The following DOCK4 variants were observed in gnomAD, a reference collection of about 807,000 sequenced individuals.
The protein encoded by DOCK4 is dedicator of cytokinesis protein 4.
DOCK4 carries 97 observed loss-of-function variants against 268.1 expected under a neutral mutation model. The observed-to-expected ratio is 0.36, with a 90% CI of 0.31 to 0.43. The LOEUF is 0.43. Ranked by LOEUF, DOCK4 falls within the 20% of genes least tolerant of loss-of-function variation. The pLI is 1.00. For missense variants in DOCK4, 2,145 were observed against 2,455.7 expected (o/e 0.87, Z 2.67); for synonymous variants, 954 against 887.2 (o/e 1.08, Z -1.34).
intron 1 of DOCK4, among the ~76,000 whole-genome samples, chr7:112,035,948 G>A (rs1803716024): frequency 6.6e-6 from 1 of 151,894 alleles, no homozygotes; most frequent in Non-Finnish European, 1.5e-5. Context: ...TTTGATCTGG[G>A]ATCTTAAAAG....
intron 1 of DOCK4, among the ~76,000 whole-genome samples, chr7:112,192,268 G>A (rs1820025859): frequency 6.6e-6 from 1 of 151,828 alleles, no homozygotes; most frequent in Admixed American, 6.6e-5. Flanking sequence ...GGAATAAGAG[G>A]GGACAAGGGG....
At chr7:111,754,377 C>T (rs1296897434) in intron 42 of DOCK4, among the ~76,000 whole-genome samples, 2 of 152,184 alleles carry the variant, frequency 1.3e-5, no homozygotes, top group South Asian at 4.1e-4. Context: ...GTAAGACAAA[C>T]AATTCTTGAA....
At chr7:111,919,081 C>T in intron 12 of DOCK4, among the ~76,000 whole-genome samples, 1 of 151,778 alleles carries the variant, frequency 6.6e-6, no homozygotes, top group African/African-American at 2.4e-5. Flanking sequence ...TAGGAGCCAG[C>T]ATTCATTTAA....
chr7:111,930,520 C>G (rs1357737167), intron 12 of DOCK4, among the ~76,000 whole-genome samples: 2 of 152,084 alleles, frequency 1.3e-5, no homozygotes, highest in Non-Finnish European at 2.9e-5. Context: ...TGAGGAATAG[C>G]AGGAGAAAGT....
At chr7:111,851,564 T>C (rs1804557997) in intron 23 of DOCK4, among the ~76,000 whole-genome samples, 1 of 152,122 alleles carries the variant, frequency 6.6e-6, no homozygotes, top group Non-Finnish European at 1.5e-5. Context: ...AGGTAAGTGA[T>C]AAATTACATT....
chr7:111,934,932 T>A (rs1052990020), intron 12 of DOCK4, among the ~76,000 whole-genome samples: 1 of 151,986 alleles, frequency 6.6e-6, no homozygotes, highest in East Asian at 1.9e-4. Flanking sequence ...ATATTTGTCA[T>A]GTGATTTTTA....
chr7:111,857,959 A>T (rs1318160691), intron 23 of DOCK4, among the ~76,000 whole-genome samples: 1 of 152,222 alleles, frequency 6.6e-6, no homozygotes, highest in East Asian at 1.9e-4. Context: ...GTCCACCTGG[A>T]TCCCAGATTA....
At chr7:111,939,343 G>A (rs909513698) in intron 11 of DOCK4, among the ~76,000 whole-genome samples, 4 of 151,442 alleles carry the variant, frequency 2.6e-5, no homozygotes, top group Non-Finnish European at 4.4e-5. Context: ...GTGAAACCCC[G>A]TCTCTACTAA....
At position 112,172,403 on chromosome 7, in the gene DOCK4, A is replaced by G. The variant is rs556947856; in HGVS notation, c.37+33699T>C. Among the ~76,000 whole-genome samples, 25 of 152,346 alleles carry G rather than the reference A, an allele frequency of 1.6e-4. 1 individual carries two copies. In the South Asian group the frequency reaches 5.0e-3, roughly 30 times the overall value. On this transcript the variant is annotated intron_variant, in intron 1 of 52. Coordinates refer to ENST00000428084, the MANE Select transcript of DOCK4 (RefSeq NM_001363540.2). ...TCCCTATGAGAAAGGAATTTGGGCCATATCTCTCAGAAGACTTGTTCTCTA... is the reference window on the plus strand; with the variant it reads ...TCCCTATGAGAAAGGAATTTGGGCCGTATCTCTCAGAAGACTTGTTCTCTA...
intron 1 of DOCK4, among the ~76,000 whole-genome samples, chr7:112,031,217 AT>A (rs1039093271): frequency 1.2e-4 from 19 of 152,194 alleles, no homozygotes; most frequent in African/African-American, 3.9e-4. Flanking sequence ...CACCTAGCAA[AT>A]AAGGATGGCC....
chr7:112,073,885 A>G (rs1282624369), intron 1 of DOCK4, among the ~76,000 whole-genome samples: 1 of 152,082 alleles, frequency 6.6e-6, no homozygotes, highest in Admixed American at 6.6e-5. Context: ...TTTATTATAT[A>G]TTTTCAGAAA....
intron 42 of DOCK4, among the ~76,000 whole-genome samples, chr7:111,752,489 CG>C (rs2133526344): frequency 6.7e-6 from 1 of 149,738 alleles, no homozygotes; most frequent in South Asian, 2.1e-4. Flanking sequence ...AAAATATTCT[CG>C]TAATCTTTAG....
chr7:112,199,965 A>C (rs1820771205), intron 1 of DOCK4, among the ~76,000 whole-genome samples: 3 of 152,220 alleles, frequency 2.0e-5, no homozygotes, highest in Admixed American at 2.0e-4. Context: ...ACAGACTTTG[A>C]CTTAGACTGA....
At chr7:111,729,665 G>A (rs756854590) in intron 52 of DOCK4, among the ~76,000 whole-genome samples, 3 of 152,138 alleles carry the variant, frequency 2.0e-5, no homozygotes, top group Non-Finnish European at 4.4e-5. Flanking sequence ...AAAACCTTTG[G>A]GGGCGCTATT....
chr7:111,894,608 A>T (rs1456457239), intron 16 of DOCK4, among the ~76,000 whole-genome samples: 3 of 152,144 alleles, frequency 2.0e-5, no homozygotes. Flanking sequence ...AGACACTCAG[A>T]GGGAGAGGCA....
intron 12 of DOCK4, 186 bp downstream of exon 12, chr7:111,935,354 G>T: frequency 1.5e-6 from 1 of 656,416 alleles, no homozygotes; most frequent in Non-Finnish European, 2.8e-6. Flanking sequence ...TTTTTTATAG[G>T]GAGTTATAAG....
chr7:112,043,134 T>C (rs1804537685), intron 1 of DOCK4, among the ~76,000 whole-genome samples: 1 of 151,962 alleles, frequency 6.6e-6, no homozygotes, highest in Non-Finnish European at 1.5e-5. Flanking sequence ...CAACAGACAA[T>C]GAACTAAGAC....
chr7:112,030,754 G>A (rs908252890), intron 1 of DOCK4, among the ~76,000 whole-genome samples: 2 of 152,182 alleles, frequency 1.3e-5, no homozygotes, highest in Admixed American at 6.5e-5. Context: ...AGAGAGCTCT[G>A]ATGATACAAT....
At chr7:111,921,496 T>C (rs1416872077) in intron 12 of DOCK4, among the ~76,000 whole-genome samples, 1 of 152,182 alleles carries the variant, frequency 6.6e-6, no homozygotes, top group Non-Finnish European at 1.5e-5. Context: ...CATCAGCCAT[T>C]TTGCCACTAA....
Sources: allele counts gnomAD v4.1 joint callset (sites outside exome capture counted in the v4.1 genomes callset), GRCh38; gene constraint gnomAD v4.1.1; transcripts MANE v1.5; gene names NCBI Gene and HGNC (gene_info 2026-07-23, HGNC 2026-07-21).